Variants in EDNRA observed in about 807,000 individuals in gnomAD.
The protein encoded by EDNRA is endothelin receptor type A.
In EDNRA, 11 loss-of-function variants were observed where a neutral mutation model predicts 41.4. That is an observed-to-expected ratio of 0.27 (90% confidence interval 0.17 to 0.44). EDNRA has a LOEUF of 0.44. Among genes scored for constraint, EDNRA ranks in the 20% least tolerant of loss-of-function variants. EDNRA has a pLI of 1.00. For missense variants in EDNRA, 294 were observed against 531.0 expected (o/e 0.55, Z 4.39); for synonymous variants, 172 against 183.0 (o/e 0.94, Z 0.49).
intron 5 of EDNRA, among the ~76,000 whole-genome samples, chr4:147,537,117 A>AAC (rs1730944938): frequency 6.6e-6 from 1 of 152,210 alleles, no homozygotes; most frequent in African/African-American, 2.4e-5. Context: ...TGGAGTCTGT[A>AAC]AATCTGTCCT....
intron 2 of EDNRA, chr4:147,506,138 T>C (rs576377034): frequency 3.8e-5 from 20 of 527,524 alleles, no homozygotes; most frequent in South Asian, 2.8e-4. Flanking sequence ...CTGGAAGAGG[T>C]GAAGTTGGGA....
At chr4:147,503,000 T>A (rs897098682) in intron 2 of EDNRA, among the ~76,000 whole-genome samples, 5 of 152,318 alleles carry the variant, frequency 3.3e-5, no homozygotes, top group South Asian at 4.1e-4. Context: ...TTAGTTTTTT[T>A]AAGAAAACAA....
At position 147,523,094 on chromosome 4, in the gene EDNRA, A is replaced by G. The variant is rs188027279; in HGVS notation, c.548+3116A>G. ...GATTTGAAGTCAGCAAATGCTGACA[A>G]GAAGTGCTTGGGGTTAGGATAAGGG... On this transcript the variant is annotated intron_variant, in intron 3 of 7. Transcript: ENST00000651419. Among the ~76,000 whole-genome samples, 107 of 152,364 alleles carry G rather than the reference A, an allele frequency of 7.0e-4. 1 individual carries two copies. The East Asian group carries it at 0.019, about 27-fold the overall frequency.
chr4:147,493,771 T>C (rs1328503132), intron 2 of EDNRA: 2 of 152,192 alleles, frequency 1.3e-5, no homozygotes, highest in African/African-American at 4.8e-5. Flanking sequence ...TCAAATATTA[T>C]GTAAAACTGC....
At chr4:147,492,287 T>C (rs1320205867) in intron 2 of EDNRA, 1 of 152,218 alleles carries the variant, frequency 6.6e-6, no homozygotes, top group Non-Finnish European at 1.5e-5. Context: ...TTTAAAAATA[T>C]TAGGTAAATG....
intron 5 of EDNRA, among the ~76,000 whole-genome samples, chr4:147,536,564 G>T (rs1730928253): frequency 1.3e-5 from 2 of 152,176 alleles, no homozygotes; most frequent in East Asian, 3.8e-4. Context: ...GGAAGAAGTT[G>T]ACAGAGAGCA....
At chr4:147,511,643 A>G (rs181591362) in intron 2 of EDNRA, among the ~76,000 whole-genome samples, 5 of 152,164 alleles carry the variant, frequency 3.3e-5, no homozygotes, top group African/African-American at 1.2e-4. Context: ...CACCTACATC[A>G]CTGATAAGAT....
intron 4 of EDNRA, among the ~76,000 whole-genome samples, chr4:147,534,855 G>T (rs557278486): frequency 1.3e-5 from 2 of 152,220 alleles, no homozygotes; most frequent in South Asian, 2.1e-4. Context: ...TTCCAAAAGG[G>T]TCTGTGGCAT....
chr4:147,485,482 C>T (rs2126369041), intron 1 of EDNRA, 130 bp from the exon 2 acceptor site: 1 of 674,200 alleles, frequency 1.5e-6, no homozygotes, highest in South Asian at 2.1e-5. Flanking sequence ...ATAGGGTAAC[C>T]TGATATACAT....
At chr4:147,532,971 C>T (rs2126475331) in intron 4 of EDNRA, among the ~76,000 whole-genome samples, 1 of 133,614 alleles carries the variant, frequency 7.5e-6, no homozygotes, top group South Asian at 2.4e-4. Context: ...AGCAAATTTA[C>T]TAAGAGGGAC....
At chr4:147,533,005 A>ATG (rs761473339) in intron 4 of EDNRA, among the ~76,000 whole-genome samples, 2,857 of 137,216 alleles carry the variant, frequency 0.021, 63 homozygotes, top group African/African-American at 0.074. Flanking sequence ...GTGTGTGTGT[A>ATG]TGTGTGTGTG....
chr4:147,513,512 C>T (rs1729995115), intron 2 of EDNRA, among the ~76,000 whole-genome samples: 1 of 152,158 alleles, frequency 6.6e-6, no homozygotes, highest in Admixed American at 6.5e-5. Context: ...ATGGCCTGTC[C>T]TGGGCATCAC....
At chr4:147,498,788 A>G (rs1729403949) in intron 2 of EDNRA, among the ~76,000 whole-genome samples, 1 of 152,068 alleles carries the variant, frequency 6.6e-6, no homozygotes, top group Admixed American at 6.6e-5. Flanking sequence ...TCTCTTTTTA[A>G]TAGAGATGGG....
At chr4:147,525,623 G>A (rs1026029770) in intron 3 of EDNRA, among the ~76,000 whole-genome samples, 6 of 149,860 alleles carry the variant, frequency 4.0e-5, no homozygotes, top group African/African-American at 1.5e-4. Context: ...CAGCAGGAGA[G>A]GGGTAGGAGG....
At chr4:147,497,602 C>G (rs537269098) in intron 2 of EDNRA, among the ~76,000 whole-genome samples, 5 of 151,756 alleles carry the variant, frequency 3.3e-5, no homozygotes, top group African/African-American at 1.2e-4. Flanking sequence ...GATGGAGTCT[C>G]GCTCTGTCGC....
At chr4:147,495,667 A>C (rs901356124) in intron 2 of EDNRA, 7 of 152,242 alleles carry the variant, frequency 4.6e-5, no homozygotes, top group Admixed American at 2.0e-4. Context: ...ATTTTGCCAA[A>C]CGAATGGCTC....
chr4:147,505,976 A>G (rs1488922828), intron 2 of EDNRA: 4 of 325,468 alleles, frequency 1.2e-5, no homozygotes, highest in African/African-American at 8.9e-5. Context: ...TAAATATGCA[A>G]TTACCATAAG....
At chr4:147,506,233 GA>G in intron 2 of EDNRA, 1 of 515,912 alleles carries the variant, frequency 1.9e-6, no homozygotes. Flanking sequence ...GATATTGGCC[GA>G]AAAGCAGCTT....
chr4:147,539,170 A>G (rs1341594819), intron 5 of EDNRA, among the ~76,000 whole-genome samples: 1 of 151,910 alleles, frequency 6.6e-6, no homozygotes, highest in East Asian at 1.9e-4. Flanking sequence ...TAATATTTTT[A>G]TATGTCATTA....
Sources: allele counts gnomAD v4.1 joint callset (sites outside exome capture counted in the v4.1 genomes callset), GRCh38; gene constraint gnomAD v4.1.1; transcripts MANE v1.5; gene names NCBI Gene and HGNC (gene_info 2026-07-23, HGNC 2026-07-21).